The following CDYL variants were observed in gnomAD, a reference collection of about 807,000 sequenced individuals.
The protein encoded by CDYL is chromodomain Y-like protein.
In CDYL, 8 loss-of-function variants were observed where a neutral mutation model predicts 47.3. That is an observed-to-expected ratio of 0.17 (90% CI 0.10 to 0.31). The LOEUF (loss-of-function observed/expected upper bound fraction) is 0.31, where lower values mean the gene tolerates loss of function less well. CDYL is among the 10% of genes least tolerant of loss of function. CDYL has a pLI of 1.00. For missense variants in CDYL, 471 were observed against 701.4 expected, an observed-to-expected ratio of 0.67 and a Z score of 3.71; for synonymous variants, 266 against 265.0, an observed-to-expected ratio of 1.00 and a Z score of -0.04.
chr6:4,898,251 T>C (rs1762345057), intron 2 of CDYL, among the ~76,000 whole-genome samples: 1 of 152,034 alleles, frequency 6.6e-6, no homozygotes, highest in African/African-American at 2.4e-5. Flanking sequence ...AAGGCAGCAG[T>C]GCCCAGACCA....
intron 3 of CDYL, among the ~76,000 whole-genome samples, chr6:4,746,864 G>A (rs1417521436): frequency 6.6e-6 from 1 of 152,094 alleles, no homozygotes; most frequent in African/African-American, 2.4e-5. Flanking sequence ...ACACTGGCCA[G>A]GTCTTCTCGC....
In CDYL at chr6:4,724,688, C is replaced by G. The variant is rs1194115814; in HGVS notation, c.103+8807C>G. ...GCAGTGAGTGTTACAGCTCTTAATG[C>G]AGCGCGTCTGGAATTCTTCGTTCCT... On this transcript the variant is annotated intron_variant, in intron 2 of 8. Coordinates refer to the CDYL transcript ENST00000328908. 2 of 152,324 alleles carry G rather than the reference C, an allele frequency of 1.3e-5. 1 individual carries two copies. The highest frequency in any genetic ancestry group is 4.2e-4 in the South Asian group (2 of 4,806). The allele number at this position is 152,324 out of a possible 1,614,324, so 9.4% of individuals were successfully genotyped here. A position where few individuals can be genotyped will look rare whatever the true frequency, so the allele number is the denominator to read the frequency against.
chr6:4,864,410 CAAG>C (rs1194976091), intron 1 of CDYL, among the ~76,000 whole-genome samples: 3 of 152,070 alleles, frequency 2.0e-5, no homozygotes, highest in Admixed American at 1.3e-4. Flanking sequence ...TTTGTAGCAA[CAAG>C]AAGAAGATAG....
At chr6:4,748,319 T>G (rs1757932277) in intron 3 of CDYL, among the ~76,000 whole-genome samples, 1 of 151,902 alleles carries the variant, frequency 6.6e-6, no homozygotes, top group Non-Finnish European at 1.5e-5. Flanking sequence ...GGCCAGGAGT[T>G]TAACACCAGC....
At chr6:4,882,970 G>C (rs1581233644) in intron 1 of CDYL, among the ~76,000 whole-genome samples, 1 of 152,068 alleles carries the variant, frequency 6.6e-6, no homozygotes, top group African/African-American at 2.4e-5. Flanking sequence ...TTCCATTAAA[G>C]CCACGTGATA....
At chr6:4,930,938 T>C (rs1157257145) in intron 2 of CDYL, among the ~76,000 whole-genome samples, 1 of 152,252 alleles carries the variant, frequency 6.6e-6, no homozygotes, top group African/African-American at 2.4e-5. Flanking sequence ...GGAGTCGCAC[T>C]AATTTCCACA....
At chr6:4,708,589 TATG>T (rs1363473541) in intron 1 of CDYL, among the ~76,000 whole-genome samples, 1 of 152,264 alleles carries the variant, frequency 6.6e-6, no homozygotes, top group African/African-American at 2.4e-5. Context: ...GTTATATGTT[TATG>T]ATGATTATTT....
chr6:4,846,108 G>A (rs1760648022), intron 1 of CDYL, among the ~76,000 whole-genome samples: 1 of 151,410 alleles, frequency 6.6e-6, no homozygotes, highest in African/African-American at 2.4e-5. Context: ...AGAAAGAAAT[G>A]TGAATACTAC....
At chr6:4,762,583 C>G (rs1758191097) in intron 3 of CDYL, among the ~76,000 whole-genome samples, 1 of 122,646 alleles carries the variant, frequency 8.2e-6, no homozygotes, top group Non-Finnish European at 1.7e-5. Flanking sequence ...GAATTTCAAC[C>G]AAGAACAACA....
intron 1 of CDYL, among the ~76,000 whole-genome samples, chr6:4,825,205 T>G (rs1759947920): frequency 6.6e-6 from 1 of 152,200 alleles, no homozygotes; most frequent in Non-Finnish European, 1.5e-5. Context: ...TGCATGAACC[T>G]ATCACTTTTG....
At chr6:4,793,351 G>T (rs1758981314) in intron 1 of CDYL, among the ~76,000 whole-genome samples, 1 of 152,182 alleles carries the variant, frequency 6.6e-6, no homozygotes, top group South Asian at 2.1e-4. Flanking sequence ...CTAGTGGCTG[G>T]TGGGGGTGGT....
At chr6:4,828,098 A>G (rs1481373974) in intron 1 of CDYL, among the ~76,000 whole-genome samples, 1 of 152,156 alleles carries the variant, frequency 6.6e-6, no homozygotes, top group Non-Finnish European at 1.5e-5. Flanking sequence ...ACTGTTTAGC[A>G]TGCTTTCACT....
At position 4,914,252 on chromosome 6, in the gene CDYL, TC is replaced by T. The variant is rs1757493736; in HGVS notation, c.692-21262del. Among the ~76,000 whole-genome samples, 3 of 148,462 alleles carry T rather than the reference TC, an allele frequency of 2.0e-5. No homozygotes were observed. In the South Asian group the frequency reaches 6.5e-4, roughly 32 times the overall value. On this transcript the variant is annotated intron_variant, in intron 2 of 6. Transcript: ENST00000397588. ...CTCTCCTTCCTTTGGCACTAGTAGA[TC>T]AACAGGGTTTGCTGCCCTTCCCCCA...
chr6:4,876,780 A>ATGTGGGAATGACATGAATTT (rs1761632638), intron 1 of CDYL, among the ~76,000 whole-genome samples: 3 of 152,206 alleles, frequency 2.0e-5, no homozygotes, highest in Admixed American at 6.5e-5. Flanking sequence ...TATATTTTGC[A>ATGTGGGAATGACATGAATTT]TGTGGGAATG....
chr6:4,809,251 T>C (rs961340146), intron 1 of CDYL, among the ~76,000 whole-genome samples: 9 of 152,234 alleles, frequency 5.9e-5, no homozygotes, highest in Non-Finnish European at 1.3e-4. Flanking sequence ...TGGAAATCAC[T>C]CACATCAGCT....
intron 2 of CDYL, among the ~76,000 whole-genome samples, chr6:4,716,456 T>A (rs1164032094): frequency 6.6e-6 from 1 of 152,180 alleles, no homozygotes; most frequent in African/African-American, 2.4e-5. Flanking sequence ...GTGGTTAGTT[T>A]TGTGTCTCCC....
intron 5 of CDYL, among the ~76,000 whole-genome samples, chr6:4,945,674 T>G (rs1758491374): frequency 6.6e-6 from 1 of 152,240 alleles, no homozygotes; most frequent in Non-Finnish European, 1.5e-5. Flanking sequence ...TTGTACTGTA[T>G]GTGCTACAAA....
rs114468619 is a variant in CDYL, at chr6:4,811,228, C to T, written c.24+34421C>T. On this transcript the variant is annotated intron_variant, in intron 1 of 6. Transcript: ENST00000397588. Reference sequence around the variant, plus strand: ...TGAAGTAAAAGTAAAACATAGTAGACCATGTAAAAACTTCCTGAACTATGT... The same window carrying T: ...TGAAGTAAAAGTAAAACATAGTAGATCATGTAAAAACTTCCTGAACTATGT... 7.7e-3 allele frequency among the ~76,000 whole-genome samples: 1,167 copies of T among 152,188 alleles called. 16 individuals are homozygous for T. Among genetic ancestry groups the T allele is most frequent in the African/African-American group, 0.027 (1,126 of 41,516 alleles).
chr6:4,801,892 G>T (rs1185474989), intron 1 of CDYL, among the ~76,000 whole-genome samples: 2 of 152,116 alleles, frequency 1.3e-5, no homozygotes, highest in Non-Finnish European at 2.9e-5. Context: ...CTTTTTCACC[G>T]TGCTGCTTGT....
Sources: allele counts gnomAD v4.1 joint callset (sites outside exome capture counted in the v4.1 genomes callset), GRCh38; gene constraint gnomAD v4.1.1; transcripts MANE v1.5; gene names NCBI Gene and HGNC (gene_info 2026-07-23, HGNC 2026-07-21).